FGF1: variants seen among roughly 807,000 people sequenced by gnomAD.
The protein encoded by FGF1 is beta-endothelial cell growth factor.
In FGF1, 9 loss-of-function variants were observed where a neutral mutation model predicts 13.4. The ratio of observed to expected loss-of-function variants is 0.67; its 90% CI spans 0.40 to 1.17. FGF1 has a LOEUF of 1.17. Among genes scored for constraint, FGF1 ranks in the 50% most tolerant of loss-of-function variants. The pLI is 0.01. For missense variants in FGF1, 156 were observed against 192.7 expected, an observed-to-expected ratio of 0.81 and a Z score of 1.13; for synonymous variants, 93 against 79.0, an observed-to-expected ratio of 1.18 and a Z score of -0.94.
intron 1 of FGF1, among the ~76,000 whole-genome samples, chr5:142,653,439 C>T (rs1767613982): frequency 6.6e-6 from 1 of 152,164 alleles, no homozygotes; most frequent in Non-Finnish European, 1.5e-5. Flanking sequence ...ACATGGGGTC[C>T]AGCCCTGCTG....
In FGF1 at chr5:142,596,533, A is replaced by C. The variant is rs1016563810; in HGVS notation, c.274-1049T>G. Among the ~76,000 whole-genome samples the C allele has an allele frequency of 2.7e-5, 4 of 148,916 alleles. No individual in the cohort carries two copies. The South Asian group carries it at 6.6e-4, about 25-fold the overall frequency. On this transcript the variant is annotated intron_variant, in intron 3 of 3. Transcript: ENST00000337706. ...TGAGGCAGGAGGATTGCTTGAGCCC[A>C]GGAATTTGAGGCCAGTCTGGGCAAC...
intron 1 of FGF1, among the ~76,000 whole-genome samples, chr5:142,645,844 A>G (rs1765942531): frequency 6.6e-6 from 1 of 151,066 alleles, no homozygotes; most frequent in Non-Finnish European, 1.5e-5. Flanking sequence ...CCACAGCCCA[A>G]CCTCCCTCCA....
In FGF1 at chr5:142,607,315, G is replaced by A. The variant is rs73795025; in HGVS notation, c.170-6510C>T. 6.5e-3 allele frequency among the ~76,000 whole-genome samples: 996 copies of A among 152,294 alleles called. 16 individuals carry two copies. The highest frequency in any genetic ancestry group is 0.022 in the African/African-American group (912 of 41,550). On this transcript the variant is annotated intron_variant, in intron 2 of 3. Coordinates refer to ENST00000337706, the MANE Select transcript of FGF1 (RefSeq NM_000800.5). The stretch of plus-strand genomic sequence containing the variant: ...CCCCCCGACCAGGTTAGCGCACAGA[G>A]CAAATGAGGAGCAAGCACTCTTCTT...
At chr5:142,667,585 CA>C (rs747487970) in intron 1 of FGF1, among the ~76,000 whole-genome samples, 3,823 of 62,064 alleles carry the variant, frequency 0.062, 110 homozygotes, top group African/African-American at 0.17. Flanking sequence ...GACTCCGTCT[CA>C]AAAAAAAAAA....
intron 1 of FGF1, among the ~76,000 whole-genome samples, chr5:142,653,097 T>C (rs1425583756): frequency 7.2e-5 from 11 of 152,160 alleles, no homozygotes; most frequent in Admixed American, 2.0e-4. Flanking sequence ...GCAGAGCGTC[T>C]CCAGAAAGCC....
chr5:142,671,718 A>G (rs1449522212), intron 1 of FGF1: 2 of 152,248 alleles, frequency 1.3e-5, no homozygotes, highest in Non-Finnish European at 2.9e-5. Context: ...AAACCACTGG[A>G]CTTGTGAAGA....
intron 1 of FGF1, among the ~76,000 whole-genome samples, chr5:142,681,509 G>T (rs1275885624): frequency 6.6e-6 from 1 of 152,120 alleles, no homozygotes; most frequent in Non-Finnish European, 1.5e-5. Context: ...AGAGGCTATG[G>T]GTCCTCAAGG....
At chr5:142,642,327 A>G (rs1302690010) in intron 1 of FGF1, among the ~76,000 whole-genome samples, 1 of 152,172 alleles carries the variant, frequency 6.6e-6, no homozygotes, top group Non-Finnish European at 1.5e-5. Context: ...AAGTACACTC[A>G]AGTTCATTTT....
intron 1 of FGF1, among the ~76,000 whole-genome samples, chr5:142,657,088 T>G (rs1768302807): frequency 6.6e-6 from 1 of 152,070 alleles, no homozygotes; most frequent in Non-Finnish European, 1.5e-5. Context: ...CAGCTAATTT[T>G]GTATTTTTAG....
intron 1 of FGF1, among the ~76,000 whole-genome samples, chr5:142,618,921 G>GTTTTTTTTTT (rs1343286807): frequency 1.4e-4 from 15 of 108,368 alleles, no homozygotes; most frequent in African/African-American, 4.2e-4. Context: ...TTATTTTTTA[G>GTTTTTTTTTT]TTGTTTTGTT....
At chr5:142,603,004 T>C (rs191522309) in intron 2 of FGF1, among the ~76,000 whole-genome samples, 66 of 152,138 alleles carry the variant, frequency 4.3e-4, no homozygotes, top group African/African-American at 1.5e-3. Flanking sequence ...TAGCTTCCAG[T>C]GGCAACTGGA....
chr5:142,631,779 C>CTT lies in FGF1; in HGVS notation c.-34-17620_-34-17619dup, dbSNP rs34929420. Reference sequence around the variant, plus strand: ...TACTTTTAAATTTTATTTAAATTAGCTTTTTTTTTTTTTTTTTTTTTTGAG... The same window carrying CTT: ...TACTTTTAAATTTTATTTAAATTAGCTTTTTTTTTTTTTTTTTTTTTTTTGAG... On this transcript the variant is annotated intron_variant, in intron 1 of 3. Coordinates refer to ENST00000337706, the MANE Select transcript of FGF1 (RefSeq NM_000800.5). Among the ~76,000 whole-genome samples, 175 of 92,918 alleles carry CTT rather than the reference C, an allele frequency of 1.9e-3. 1 individual carries two copies. Among genetic ancestry groups the CTT allele is most frequent in the East Asian group, 6.5e-3 (21 of 3,228 alleles). 61.0% of individuals were successfully genotyped at this position (92,918 alleles called of 152,430 possible).
intron 1 of FGF1, among the ~76,000 whole-genome samples, chr5:142,621,892 T>G (rs1186936689): frequency 1.3e-5 from 2 of 152,202 alleles, no homozygotes; most frequent in Non-Finnish European, 2.9e-5. Context: ...AACTCCTAAT[T>G]TTTCTTCAAA....
chr5:142,632,605 C>T (rs993033682), intron 1 of FGF1, among the ~76,000 whole-genome samples: 1 of 152,166 alleles, frequency 6.6e-6, no homozygotes, highest in African/African-American at 2.4e-5. Flanking sequence ...ATCATATCTG[C>T]CAGAGATGCC....
intron 1 of FGF1, among the ~76,000 whole-genome samples, chr5:142,681,174 A>T (rs962499392): frequency 2.0e-5 from 3 of 152,236 alleles, no homozygotes; most frequent in African/African-American, 7.2e-5. Context: ...GCAATTTGGT[A>T]TAAAACAAAT....
At chr5:142,687,905 CCCCT>C (rs1448677918), upstream of FGF1, among the ~76,000 whole-genome samples, 1 of 152,202 alleles carries the variant, frequency 6.6e-6, no homozygotes, top group African/African-American at 2.4e-5. Flanking sequence ...CCAGATTCCC[CCCCT>C]CCTAGTGGAA....
chr5:142,690,691 C>T (rs1207012194), upstream of FGF1, among the ~76,000 whole-genome samples: 1 of 152,222 alleles, frequency 6.6e-6, no homozygotes, highest in Non-Finnish European at 1.5e-5. Flanking sequence ...TACCCTAACC[C>T]TCTACAGTTC....
intron 1 of FGF1, among the ~76,000 whole-genome samples, chr5:142,628,978 T>A (rs949585372): frequency 6.6e-5 from 10 of 152,164 alleles, no homozygotes; most frequent in African/African-American, 2.4e-4. Context: ...TCTAGATGTT[T>A]AGATAGGCCC....
intron 1 of FGF1, 108 bp downstream of exon 1, chr5:142,685,848 AC>A (rs1751045968): frequency 6.6e-6 from 1 of 150,376 alleles, no homozygotes. Flanking sequence ...AAGTAGCATT[AC>A]ATTTGCACTT....
Sources: allele counts gnomAD v4.1 joint callset (sites outside exome capture counted in the v4.1 genomes callset), GRCh38; gene constraint gnomAD v4.1.1; transcripts MANE v1.5; gene names NCBI Gene and HGNC (gene_info 2026-07-23, HGNC 2026-07-21).